Variants in CRIP2 observed in about 807,000 individuals in gnomAD.
CRIP2 encodes the protein cysteine-rich protein 2.
CRIP2 carries 31 observed loss-of-function variants against 31.3 expected under a neutral mutation model. The ratio of observed to expected loss-of-function variants is 0.99; its 90% CI spans 0.74 to 1.34. The LOEUF (loss-of-function observed/expected upper bound fraction) is 1.34. Among genes scored for constraint, CRIP2 ranks in the 40% most tolerant of loss-of-function variants. CRIP2 has a pLI of 0.00. For missense variants in CRIP2, 389 were observed against 301.6 expected (o/e 1.29, Z -2.15); for synonymous variants, 177 against 127.2 (o/e 1.39, Z -2.63).
At position 105,478,267 on chromosome 14, in the gene CRIP2, C is replaced by T; in HGVS notation, c.45C>T (p.Ala15=). 6.4e-7 allele frequency: 1 copy of T among 1,551,860 alleles called. No homozygotes were observed. The highest frequency in any genetic ancestry group is 8.7e-7 in the Non-Finnish European group (1 of 1,151,424). The change falls in exon 2 of 8, where the codon GCC becomes GCT. Residue 15 remains alanine, a splice_region_variant and synonymous_variant. Transcript: ENST00000329146. The surrounding 1 kb of genome is among the most constrained non-coding windows in gnomAD (Gnocchi z 4.9). ...CPKCDKTVYF[A]EKVSSLGKDW... Reference sequence around the variant, plus strand: ...CCCCCTGCCGCCCCTCCCGCTCAGCCGAGAAGGTGAGCTCCCTGGGGAAGG... The same window carrying T: ...CCCCCTGCCGCCCCTCCCGCTCAGCTGAGAAGGTGAGCTCCCTGGGGAAGG...
chr14:105,476,361 C>G (rs587662148), intron 1 of CRIP2: 1 of 985,492 alleles, frequency 1.0e-6, no homozygotes, highest in East Asian at 1.1e-4. Context: ...ACTGTGAGGG[C>G]GAGGGTCCAG....
chr14:105,473,336 G>C, upstream of CRIP2: 1 of 450,386 alleles, frequency 2.2e-6, no homozygotes, highest in African/African-American at 2.1e-5. Context: ...GCGGGGGGGC[G>C]GGGGGCATGT....
intron 1 of CRIP2, chr14:105,477,701 GA>G (rs1567061458): frequency 2.5e-6 from 2 of 804,732 alleles, no homozygotes; most frequent in Non-Finnish European, 3.4e-6. Context: ...GTGTGTGTCT[GA>G]GGAAGCGGGT....
chr14:105,473,599 G>C, upstream of CRIP2: 1 of 1,434,066 alleles, frequency 7.0e-7, no homozygotes, highest in Non-Finnish European at 9.3e-7. Flanking sequence ...CTGATCACTG[G>C]GCTTCTGGGA....
chr14:105,480,010 G>A lies in CRIP2; in HGVS notation c.*357G>A. 2 of 297,160 alleles carry A rather than the reference G, an allele frequency of 6.7e-6. No individual in the cohort carries two copies. Among genetic ancestry groups the A allele is most frequent in the South Asian group, 3.8e-5 (1 of 26,582 alleles). 18.4% of individuals were successfully genotyped at this position (297,160 alleles called of 1,614,324 possible). ...CAGTGTTATTTATGCTCCCTTCGTGGGTGATGGCCACGCCCTCACCATGTC... is the reference window on the plus strand; with the variant it reads ...CAGTGTTATTTATGCTCCCTTCGTGAGTGATGGCCACGCCCTCACCATGTC... On this transcript the variant is annotated 3_prime_UTR_variant, in exon 8 of 8. Transcript: ENST00000329146.
chr14:105,477,162 G>C, intron 1 of CRIP2: 1 of 563,478 alleles, frequency 1.8e-6, no homozygotes, highest in African/African-American at 2.0e-5. Context: ...TCAGAATTCC[G>C]GCTCTGCTGG....
At chr14:105,477,196 C>T (rs2083950085) in intron 1 of CRIP2, 4 of 888,108 alleles carry the variant, frequency 4.5e-6, no homozygotes, top group African/African-American at 1.8e-5. Flanking sequence ...CTCCCCACCT[C>T]TTCCTGCCTG....
chr14:105,478,182 G>A lies in CRIP2; in HGVS notation c.44-84G>A. Reference sequence around the variant, plus strand: ...CTGAAAGTGGGGACCCCCGGAGCGCGTGGGGGTGGTGGCTGCCAGGTGGGG... The same window carrying A: ...CTGAAAGTGGGGACCCCCGGAGCGCATGGGGGTGGTGGCTGCCAGGTGGGG... On this transcript the variant is annotated intron_variant, in intron 1 of 7. Coordinates refer to ENST00000329146, the MANE Select transcript of CRIP2 (RefSeq NM_001312.4). This position sits in a 1 kb window ranked among gnomAD's most constrained non-coding sequence, Gnocchi z 4.9. The A allele has an allele frequency of 9.0e-7, 1 of 1,106,156 alleles. No individual in the cohort carries two copies. The highest frequency in any genetic ancestry group is 1.2e-6 in the Non-Finnish European group (1 of 809,298). The allele number at this position is 1,106,156 out of a possible 1,614,324, so 68.5% of individuals were successfully genotyped here. A position where few individuals can be genotyped will look rare whatever the true frequency, so the allele number is the denominator to read the frequency against.
At position 105,479,887 on chromosome 14, in the gene CRIP2, C is replaced by A. The variant is rs1467264833; in HGVS notation, c.*234C>A. The stretch of plus-strand genomic sequence containing the variant: ...CATGATCCCTTCTGTGTCTGCGTGT[C>A]CGAATCCCCGTGTGACCCTGTCCCA... On this transcript the variant is annotated 3_prime_UTR_variant, in exon 8 of 8. Coordinates refer to ENST00000329146, the MANE Select transcript of CRIP2 (RefSeq NM_001312.4). 1.2e-5 allele frequency: 7 copies of A among 580,430 alleles called. No individual in the cohort carries two copies. Among genetic ancestry groups the A allele is most frequent in the Admixed American group, 3.0e-5 (1 of 33,288 alleles). The allele number at this position is 580,430 out of a possible 1,614,324, so 36.0% of individuals were successfully genotyped here.
chr14:105,476,358 G>A, intron 1 of CRIP2: 1 of 985,498 alleles, frequency 1.0e-6, no homozygotes, highest in Non-Finnish European at 1.2e-6. Context: ...GGCACTGTGA[G>A]GGCGAGGGTC....
At chr14:105,473,212 C>A, upstream of CRIP2, 2 of 1,532,988 alleles carry the variant, frequency 1.3e-6, no homozygotes, top group East Asian at 4.9e-5. Context: ...CTGGGCCTGC[C>A]AGGGAGGAAG....
In CRIP2 at chr14:105,478,969, C is replaced by T; in HGVS notation, c.338-10C>T. The T allele has an allele frequency of 2.6e-6, 4 of 1,558,000 alleles. No homozygotes were observed. The highest frequency in any genetic ancestry group is 2.3e-4 in the Middle Eastern group (1 of 4,436). Reference sequence around the variant, plus strand: ...CGGCCCCGCCCCGCCCTGACTCGTGCGCCCCACAGCCTCCAGTGTCACCAC... The same window carrying T: ...CGGCCCCGCCCCGCCCTGACTCGTGTGCCCCACAGCCTCCAGTGTCACCAC... On this transcript the variant is annotated splice_polypyrimidine_tract_variant and intron_variant, in intron 4 of 7. Transcript: ENST00000329146. This position sits in a 1 kb window ranked among gnomAD's most constrained non-coding sequence, Gnocchi z 4.9.
intron 1 of CRIP2, among the ~76,000 whole-genome samples, chr14:105,475,675 A>G (rs1335920771): frequency 6.6e-6 from 1 of 152,122 alleles, no homozygotes; most frequent in African/African-American, 2.4e-5. Context: ...ATGTCTCGCA[A>G]GGCGGCCCTC....
upstream of CRIP2, chr14:105,473,365 A>C: frequency 1.3e-6 from 2 of 1,535,440 alleles, no homozygotes; most frequent in Non-Finnish European, 1.7e-6. Context: ...TGCTGTCACC[A>C]TGGAAATGGC....
At position 105,479,139 on chromosome 14, in the gene CRIP2, T is replaced by C; in HGVS notation, c.421T>C (p.Ser141Pro). The C allele has an allele frequency of 6.2e-7, 1 of 1,611,484 alleles. No homozygotes were observed. Among genetic ancestry groups the C allele is most frequent in the Non-Finnish European group, 8.5e-7 (1 of 1,179,420 alleles). The change falls in exon 6 of 8, where the codon TCT (serine) becomes CCT (proline). Residue 141 changes from serine (S) to proline (P), a missense_variant. By Grantham distance (74) the Ser-to-Pro change is moderately conservative. Coordinates refer to ENST00000329146, the MANE Select transcript of CRIP2 (RefSeq NM_001312.4). ...KKVYFAEKVT[S>P]LGKDWHRPCL... is the part of the protein sequence containing the mutation. ...CCCCTTTCCAGCTGAGAAGGTGACG[T>C]CTCTGGGCAAGGATTGGCACCGGCC...
intron 1 of CRIP2, chr14:105,475,290 G>T: frequency 5.1e-6 from 1 of 195,804 alleles, no homozygotes. Context: ...TGCGTCCCGC[G>T]CGCTCCCGTG....
At chr14:105,473,593 T>A, upstream of CRIP2, 2 of 1,445,334 alleles carry the variant, frequency 1.4e-6, no homozygotes, top group East Asian at 5.0e-5. Flanking sequence ...TAGGGCCTGA[T>A]CACTGGGCTT....
At position 105,478,676 on chromosome 14, in the gene CRIP2, C is replaced by G. The variant is rs984323782; in HGVS notation, c.197-55C>G. The stretch of plus-strand genomic sequence containing the variant: ...CCAGCGGGCCGTTTTCTGAGATGCC[C>G]GGTGGCCGCGGCCCCCACCCCACGT... On this transcript the variant is annotated intron_variant, in intron 3 of 7. Transcript: ENST00000329146. This position sits in a 1 kb window ranked among gnomAD's most constrained non-coding sequence, Gnocchi z 4.9. 12 of 1,449,796 alleles carry G rather than the reference C, an allele frequency of 8.3e-6. No homozygotes were observed. The highest frequency in any genetic ancestry group is 2.5e-4 in the Middle Eastern group (1 of 3,994). 89.8% of individuals were successfully genotyped at this position (1,449,796 alleles called of 1,614,324 possible).
upstream of CRIP2, chr14:105,473,396 G>A (rs2083874704): frequency 2.0e-6 from 3 of 1,535,754 alleles, no homozygotes; most frequent in East Asian, 4.9e-5. Flanking sequence ...GGGTGTGTGT[G>A]CAAGGGAGGA....
Sources: allele counts gnomAD v4.1 joint callset (sites outside exome capture counted in the v4.1 genomes callset), GRCh38; gene constraint gnomAD v4.1.1; non-coding constraint Gnocchi (gnomAD v3.1); transcripts MANE v1.5; gene names NCBI Gene and HGNC (gene_info 2026-07-23, HGNC 2026-07-21).